The following SMARCA2 variants were observed in gnomAD, a reference collection of about 807,000 sequenced individuals.
SMARCA2 encodes the protein SWI/SNF related BAF chromatin remodeling complex subunit ATPase 2.
In SMARCA2, 61 loss-of-function variants were observed where a neutral mutation model predicts 199.8. That is an observed-to-expected ratio of 0.31 (90% CI 0.25 to 0.38). The LOEUF (loss-of-function observed/expected upper bound fraction) is 0.38, where lower values mean the gene tolerates loss of function less well. Ranked by LOEUF, SMARCA2 falls within the 10% of genes least tolerant of loss-of-function variation. The probability of loss-of-function intolerance (pLI) is 1.00; values close to 1 mark genes in which losing one functional copy is unlikely to be tolerated. For synonymous variants in SMARCA2, 935 were observed against 732.0 expected (o/e 1.28, Z -4.48); for missense variants, 1,344 against 2,012.2 (o/e 0.67, Z 6.35).
At chr9:2,024,684 T>C (rs1009536880) in intron 1 of SMARCA2, among the ~76,000 whole-genome samples, 13 of 152,162 alleles carry the variant, frequency 8.5e-5, no homozygotes, top group Admixed American at 1.3e-4. Flanking sequence ...TGCACATTGC[T>C]CTGGCCTGGT....
At chr9:2,053,158 T>C (rs973943031) in intron 5 of SMARCA2, among the ~76,000 whole-genome samples, 2 of 152,134 alleles carry the variant, frequency 1.3e-5, no homozygotes, top group Non-Finnish European at 2.9e-5. Context: ...CCAGTGTGTA[T>C]TGTTGCCATC....
At position 2,110,933 on chromosome 9, in the gene SMARCA2, T is replaced by C. The variant is rs890891636; in HGVS notation, c.3456+516T>C. Among the ~76,000 whole-genome samples the C allele has an allele frequency of 2.0e-5, 3 of 152,230 alleles. No homozygotes were observed. The highest frequency in any genetic ancestry group is 2.9e-5 in the Non-Finnish European group (2 of 68,044). On this transcript the variant is annotated intron_variant, in intron 24 of 33. Transcript: ENST00000349721. This position sits in a 1 kb window ranked among gnomAD's most constrained non-coding sequence, Gnocchi z 4.8. ...TTACAGTAGTTAACCTTTTATTTTG[T>C]GTTTTATTTAAAGTCATCATCAAAA...
intron 2 of SMARCA2, 110 bp from the exon 3 acceptor site, chr9:2,032,842 G>C (rs1819131508): frequency 1.1e-6 from 1 of 921,600 alleles, no homozygotes. Flanking sequence ...AGAATGGGTA[G>C]TAGATGATAG....
chr9:2,119,327 T>A lies in SMARCA2; in HGVS notation c.3685-131T>A, dbSNP rs540047247. ...TAAAATAGTAACGTCAAGGACTAAA[T>A]CCAGCAACCCCTTCCCTTTTCTTTC... On this transcript the variant is annotated intron_variant, in intron 25 of 33. Coordinates refer to ENST00000349721, the MANE Select transcript of SMARCA2 (RefSeq NM_003070.5). This position sits in a 1 kb window ranked among gnomAD's most constrained non-coding sequence, Gnocchi z 4.6. 8 of 631,390 alleles carry A rather than the reference T, an allele frequency of 1.3e-5. No individual in the cohort carries two copies. In the African/African-American group the frequency reaches 1.3e-4, roughly 10 times the overall value. The allele number at this position is 631,390 out of a possible 1,614,324, so 39.1% of individuals were successfully genotyped here.
At chr9:2,059,217 T>C (rs1421672072) in intron 8 of SMARCA2, among the ~76,000 whole-genome samples, 22 of 152,204 alleles carry the variant, frequency 1.4e-4, no homozygotes, top group Non-Finnish European at 8.8e-5. Flanking sequence ...AGATTCTATC[T>C]AGGACGTAAT....
intron 21 of SMARCA2, among the ~76,000 whole-genome samples, chr9:2,099,686 G>A (rs150080191): frequency 2.9e-4 from 44 of 152,228 alleles, no homozygotes; most frequent in Non-Finnish European, 5.3e-4. Flanking sequence ...GACAACTATG[G>A]AACAGAGATG....
chr9:2,092,877 T>G (rs1304697320), intron 19 of SMARCA2, among the ~76,000 whole-genome samples: 2 of 152,236 alleles, frequency 1.3e-5, no homozygotes, highest in Non-Finnish European at 2.9e-5. Context: ...ATGCATGCTC[T>G]AAACAGATGC....
chr9:2,127,778 T>C (rs1190716108), intron 27 of SMARCA2, among the ~76,000 whole-genome samples: 6 of 152,232 alleles, frequency 3.9e-5, no homozygotes, highest in African/African-American at 4.8e-5. Context: ...TTAAGTGTTA[T>C]GGTCACTTTC....
chr9:2,063,530 A>C (rs78320116), intron 9 of SMARCA2, among the ~76,000 whole-genome samples: 1 of 152,168 alleles, frequency 6.6e-6, no homozygotes, highest in Non-Finnish European at 1.5e-5. Context: ...TTAAATTAAC[A>C]AATACTTCAA....
At position 2,153,317 on chromosome 9, in the gene SMARCA2, G is replaced by C. The variant is rs78090616; in HGVS notation, c.3982-8369G>C. Among the ~76,000 whole-genome samples the C allele has an allele frequency of 1.9e-3, 289 of 152,264 alleles. 2 individuals carry two copies. The highest frequency in any genetic ancestry group is 3.2e-3 in the Non-Finnish European group (219 of 68,018). On this transcript the variant is annotated intron_variant, in intron 27 of 33. Coordinates refer to ENST00000349721, the MANE Select transcript of SMARCA2 (RefSeq NM_003070.5). ...TTTGGGAGGCCAAAGCAGGAAGATCGCTTGCGCCCAGGAGTTCAAGACAAG... is the reference window on the plus strand; with the variant it reads ...TTTGGGAGGCCAAAGCAGGAAGATCCCTTGCGCCCAGGAGTTCAAGACAAG...
At position 2,068,692 on chromosome 9, in the gene SMARCA2, T is replaced by C. The variant is rs535147171; in HGVS notation, c.1693-1726T>C. Reference sequence around the variant, plus strand: ...GCCCAAGGGAGGAAAGCTCATTTTCTCAAGCATCTTGGCAAAGGAAATGAC... The same window carrying C: ...GCCCAAGGGAGGAAAGCTCATTTTCCCAAGCATCTTGGCAAAGGAAATGAC... On this transcript the variant is annotated intron_variant, in intron 9 of 33. Transcript: ENST00000349721. 2.0e-5 allele frequency among the ~76,000 whole-genome samples: 3 copies of C among 152,242 alleles called. No homozygotes were observed. The South Asian group carries it at 6.2e-4, about 32-fold the overall frequency.
At chr9:2,190,650 CAGAG>C (rs540289450) in intron 32 of SMARCA2, among the ~76,000 whole-genome samples, 2 of 151,870 alleles carry the variant, frequency 1.3e-5, no homozygotes, top group South Asian at 4.2e-4. Context: ...CACATACACA[CAGAG>C]AGAGAGAAAT....
intron 27 of SMARCA2, among the ~76,000 whole-genome samples, chr9:2,137,957 A>G (rs1049571953): frequency 1.3e-5 from 2 of 152,222 alleles, no homozygotes; most frequent in Non-Finnish European, 2.9e-5. Flanking sequence ...AAGATTTCTT[A>G]AAATAATTCT....
At chr9:2,079,944 T>G (rs570494005) in intron 14 of SMARCA2, 1 of 152,324 alleles carries the variant, frequency 6.6e-6, no homozygotes, top group Non-Finnish European at 1.5e-5. Flanking sequence ...TGCCTCTGTG[T>G]TGCTGAGCTG....
At chr9:2,094,410 C>G (rs1431604067) in intron 19 of SMARCA2, among the ~76,000 whole-genome samples, 1 of 152,198 alleles carries the variant, frequency 6.6e-6, no homozygotes, top group Non-Finnish European at 1.5e-5. Flanking sequence ...ACCTCCAGCC[C>G]TTAGCAGTGG....
chr9:2,064,074 AATGTGCTATT>A (rs1820720326), intron 9 of SMARCA2, among the ~76,000 whole-genome samples: 1 of 152,188 alleles, frequency 6.6e-6, no homozygotes, highest in African/African-American at 2.4e-5. Flanking sequence ...TTACAAGATG[AATGTGCTATT>A]ATGTGCGTTT....
rs16937788 is a variant in SMARCA2 at position 2,162,086 on chromosome 9, T to C, written c.4199+183T>C. ...CCACTGTTGCTATTTTGTATGATGT[T>C]TCATCAGGTATTATTTAAGATAGTT... is the stretch of plus-strand genomic sequence containing the variant. On this transcript the variant is annotated intron_variant, in intron 28 of 33. Coordinates refer to ENST00000349721, the MANE Select transcript of SMARCA2 (RefSeq NM_003070.5). 0.11 allele frequency among the ~76,000 whole-genome samples: 16,162 copies of C among 152,214 alleles called. 1,253 individuals are homozygous for C. Among genetic ancestry groups the C allele is most frequent in the African/African-American group, 0.22 (8,974 of 41,476 alleles).
intron 9 of SMARCA2, 103 bp from the exon 10 acceptor site, chr9:2,070,315 A>G: frequency 1.1e-6 from 1 of 891,792 alleles, no homozygotes; most frequent in Admixed American, 1.9e-5. Flanking sequence ...GTTAGATAAT[A>G]ATGGGGTAAC....
intron 27 of SMARCA2, among the ~76,000 whole-genome samples, chr9:2,137,741 AGC>A (rs1824270175): frequency 2.6e-5 from 4 of 152,290 alleles, no homozygotes; most frequent in Admixed American, 1.3e-4. Context: ...TGGTACCTGC[AGC>A]AGGACTTTAT....
Sources: allele counts gnomAD v4.1 joint callset (sites outside exome capture counted in the v4.1 genomes callset), GRCh38; gene constraint gnomAD v4.1.1; non-coding constraint Gnocchi (gnomAD v3.1); transcripts MANE v1.5; gene names NCBI Gene and HGNC (gene_info 2026-07-23, HGNC 2026-07-21).